The following GPC6 variants were observed in gnomAD, a reference collection of about 807,000 sequenced individuals.
GPC6 encodes the protein glypican-6.
GPC6 carries 14 observed loss-of-function variants against 55.2 expected under a neutral mutation model. That is an observed-to-expected ratio of 0.25 (90% CI 0.17 to 0.40). GPC6 has a LOEUF of 0.40. GPC6 is among the 10% of genes least tolerant of loss of function. The pLI, the probability that GPC6 is intolerant of heterozygous loss-of-function variation, is 1.00. For missense variants in GPC6, 641 were observed against 708.5 expected (o/e 0.90, Z 1.08); for synonymous variants, 278 against 259.6 (o/e 1.07, Z -0.68).
At chr13:93,694,950 G>T (rs1376861982) in intron 2 of GPC6, among the ~76,000 whole-genome samples, 5 of 152,048 alleles carry the variant, frequency 3.3e-5, no homozygotes, top group Middle Eastern at 3.4e-3. Flanking sequence ...GGAAAATGAT[G>T]AAAAAGTCAT....
intron 3 of GPC6, among the ~76,000 whole-genome samples, chr13:93,912,794 T>A (rs1037036045): frequency 2.0e-5 from 3 of 152,170 alleles, no homozygotes; most frequent in Non-Finnish European, 2.9e-5. Flanking sequence ...CCTGCAGTTC[T>A]AGAGGCCAGA....
intron 1 of GPC6, among the ~76,000 whole-genome samples, chr13:93,265,937 C>T (rs968127155): frequency 3.3e-5 from 5 of 152,006 alleles, no homozygotes; most frequent in Non-Finnish European, 7.4e-5. Context: ...TCCTGATATT[C>T]ATAGGTTGAA....
chr13:94,258,749 T>C (rs1288487434), intron 4 of GPC6, among the ~76,000 whole-genome samples: 2 of 152,162 alleles, frequency 1.3e-5, no homozygotes, highest in Admixed American at 6.5e-5. Context: ...ATAATTTCGG[T>C]AGAGTAAACA....
chr13:93,393,121 T>TAG (rs1166243094), intron 1 of GPC6, among the ~76,000 whole-genome samples: 4 of 79,920 alleles, frequency 5.0e-5, no homozygotes, highest in East Asian at 2.8e-4. Flanking sequence ...TATATATATA[T>TAG]ATATATAGAG....
At chr13:93,814,696 A>G (rs1886795082) in intron 2 of GPC6, among the ~76,000 whole-genome samples, 1 of 152,212 alleles carries the variant, frequency 6.6e-6, no homozygotes. Flanking sequence ...AACAAAAGCG[A>G]GATTGGGTTG....
chr13:94,321,608 G>C (rs1876830039), intron 6 of GPC6, among the ~76,000 whole-genome samples: 1 of 152,182 alleles, frequency 6.6e-6, no homozygotes, highest in Non-Finnish European at 1.5e-5. Context: ...TACCATTTTA[G>C]AGCAGAGCAT....
intron 1 of GPC6, among the ~76,000 whole-genome samples, chr13:93,518,867 A>T (rs1031584421): frequency 6.6e-6 from 1 of 152,036 alleles, no homozygotes; most frequent in Non-Finnish European, 1.5e-5. Flanking sequence ...AGTATAAAAG[A>T]ACAGGATTTC....
At chr13:93,416,647 C>CAAAAA (rs1876707742) in intron 1 of GPC6, among the ~76,000 whole-genome samples, 1 of 152,022 alleles carries the variant, frequency 6.6e-6, no homozygotes, top group Non-Finnish European at 1.5e-5. Flanking sequence ...ATACATTCTT[C>CAAAAA]GAAACTATTT....
chr13:93,462,226 A>G (rs1476593900), intron 1 of GPC6, among the ~76,000 whole-genome samples: 1 of 152,204 alleles, frequency 6.6e-6, no homozygotes, highest in South Asian at 2.1e-4. Flanking sequence ...TCCATCCTTC[A>G]TCATCCTTGA....
chr13:93,373,703 A>G (rs1472947801), intron 1 of GPC6, among the ~76,000 whole-genome samples: 2 of 152,204 alleles, frequency 1.3e-5, no homozygotes, highest in African/African-American at 4.8e-5. Context: ...AAAAGATAGT[A>G]TTAACTAAAC....
chr13:93,325,684 A>G (rs1341381324), intron 1 of GPC6, among the ~76,000 whole-genome samples: 2 of 152,292 alleles, frequency 1.3e-5, no homozygotes, highest in African/African-American at 4.8e-5. Context: ...CAATGTATGT[A>G]TGTAACAAAC....
chr13:93,758,321 G>T (rs956186044), intron 2 of GPC6, among the ~76,000 whole-genome samples: 1 of 152,232 alleles, frequency 6.6e-6, no homozygotes, highest in East Asian at 1.9e-4. Flanking sequence ...AGGAAGTGTC[G>T]GCAAGTGTTA....
intron 4 of GPC6, among the ~76,000 whole-genome samples, chr13:94,103,891 G>C (rs1885957325): frequency 6.6e-6 from 1 of 152,164 alleles, no homozygotes; most frequent in Non-Finnish European, 1.5e-5. Flanking sequence ...AGTTTAACTA[G>C]ATCCCATTTG....
chr13:93,941,323 T>A (rs1009745032), intron 3 of GPC6, among the ~76,000 whole-genome samples: 3 of 152,180 alleles, frequency 2.0e-5, no homozygotes, highest in Non-Finnish European at 4.4e-5. Flanking sequence ...TTCTCATTAG[T>A]AAAATGCTGT....
chr13:93,957,663 G>A (rs770277143), intron 3 of GPC6, among the ~76,000 whole-genome samples: 15 of 152,122 alleles, frequency 9.9e-5, no homozygotes, highest in Non-Finnish European at 1.5e-4. Flanking sequence ...CTTTGCTCTT[G>A]TGATAGTATG....
chr13:94,276,241 A>T (rs1195673620), intron 4 of GPC6, among the ~76,000 whole-genome samples: 1 of 152,188 alleles, frequency 6.6e-6, no homozygotes, highest in African/African-American at 2.4e-5. Context: ...GTAAACTTGA[A>T]TCCTTAGAAG....
intron 5 of GPC6, among the ~76,000 whole-genome samples, chr13:94,297,112 T>C (rs2139099901): frequency 6.6e-6 from 1 of 152,224 alleles, no homozygotes; most frequent in Non-Finnish European, 1.5e-5. Flanking sequence ...TACCACTGCT[T>C]TTCTAGGAAG....
At chr13:93,350,420 C>A (rs1276162168) in intron 1 of GPC6, among the ~76,000 whole-genome samples, 1 of 152,000 alleles carries the variant, frequency 6.6e-6, no homozygotes, top group Non-Finnish European at 1.5e-5. Flanking sequence ...GGTGACAGAG[C>A]GAGACTCCAT....
At chr13:93,936,884 G>T (rs1878462841) in intron 3 of GPC6, among the ~76,000 whole-genome samples, 1 of 152,136 alleles carries the variant, frequency 6.6e-6, no homozygotes, top group South Asian at 2.1e-4. Context: ...TGTATGTTAT[G>T]GCCTCCTACT....
Sources: allele counts gnomAD v4.1 joint callset (sites outside exome capture counted in the v4.1 genomes callset), GRCh38; gene constraint gnomAD v4.1.1; transcripts MANE v1.5; gene names NCBI Gene and HGNC (gene_info 2026-07-23, HGNC 2026-07-21).